The following PRKCE variants were observed in gnomAD, a reference collection of about 807,000 sequenced individuals.
PRKCE encodes protein kinase C epsilon, also known as protein kinase C epsilon type.
PRKCE carries 16 observed loss-of-function variants against 85.4 expected under a neutral mutation model. The ratio of observed to expected loss-of-function variants is 0.19; its 90% CI spans 0.13 to 0.28. The LOEUF (loss-of-function observed/expected upper bound fraction) is 0.28, where lower values mean the gene tolerates loss of function less well. PRKCE is among the 10% of genes least tolerant of loss of function. The pLI is 1.00. For synonymous variants in PRKCE, 388 were observed against 371.5 expected (o/e 1.04, Z -0.51); for missense variants, 573 against 975.2 (o/e 0.59, Z 5.49).
chr2:45,665,591 C>A (rs1394992825), intron 1 of PRKCE, among the ~76,000 whole-genome samples: 1 of 152,196 alleles, frequency 6.6e-6, no homozygotes, highest in African/African-American at 2.4e-5. Context: ...GTCTTCTTTG[C>A]TTCTTCATGA....
At chr2:45,682,311 C>T (rs564313965) in intron 1 of PRKCE, among the ~76,000 whole-genome samples, 19 of 152,188 alleles carry the variant, frequency 1.2e-4, no homozygotes, top group Admixed American at 7.2e-4. Flanking sequence ...TGATGAGCAC[C>T]GATTTTACAG....
intron 2 of PRKCE, among the ~76,000 whole-genome samples, chr2:45,944,465 T>G (rs1224208222): frequency 6.6e-6 from 1 of 152,174 alleles, no homozygotes; most frequent in South Asian, 2.1e-4. Context: ...TTTTACTTTA[T>G]GTAAATTCGT....
chr2:46,015,691 CAAAA>C (rs749060776), intron 10 of PRKCE, among the ~76,000 whole-genome samples: 8 of 80,796 alleles, frequency 9.9e-5, no homozygotes, highest in African/African-American at 2.3e-4. Flanking sequence ...AACACTAAAC[CAAAA>C]AAAAAAAAAA....
chr2:45,904,358 G>T (rs1267031849), intron 2 of PRKCE, among the ~76,000 whole-genome samples: 1 of 152,072 alleles, frequency 6.6e-6, no homozygotes, highest in African/African-American at 2.4e-5. Flanking sequence ...TATGGGGGTG[G>T]CACGTGCCCA....
chr2:45,719,951 A>G (rs1482798981), intron 1 of PRKCE, among the ~76,000 whole-genome samples: 1 of 152,102 alleles, frequency 6.6e-6, no homozygotes, highest in Admixed American at 6.5e-5. Flanking sequence ...GACAACAACA[A>G]CAAAATAACA....
chr2:46,051,777 A>C (rs891156027), intron 10 of PRKCE, among the ~76,000 whole-genome samples: 3 of 152,212 alleles, frequency 2.0e-5, no homozygotes, highest in African/African-American at 7.2e-5. Flanking sequence ...GAGACTGGGT[A>C]ATTTATAAAG....
intron 11 of PRKCE, among the ~76,000 whole-genome samples, chr2:46,124,523 C>T (rs540748092): frequency 2.4e-4 from 36 of 152,190 alleles, no homozygotes; most frequent in Non-Finnish European, 3.8e-4. Context: ...TGTGAAACCT[C>T]GTTTCATGAG....
At chr2:46,115,966 G>A (rs1203472676) in intron 11 of PRKCE, among the ~76,000 whole-genome samples, 2 of 152,208 alleles carry the variant, frequency 1.3e-5, no homozygotes, top group African/African-American at 4.8e-5. Context: ...TAAAGTTACA[G>A]AGGAAAGGAC....
chr2:45,734,166 A>T (rs1459681490), intron 1 of PRKCE, among the ~76,000 whole-genome samples: 1 of 152,144 alleles, frequency 6.6e-6, no homozygotes, highest in Non-Finnish European at 1.5e-5. Context: ...ATAGATTGAG[A>T]CCATCCTGGC....
In PRKCE at chr2:45,786,340, G is replaced by C. The variant is rs1027760714; in HGVS notation, c.349-56660G>C. Among the ~76,000 whole-genome samples the C allele has an allele frequency of 6.6e-6, 1 of 152,164 alleles. No homozygotes were observed. The highest frequency in any genetic ancestry group is 1.5e-5 in the Non-Finnish European group (1 of 68,042). On this transcript the variant is annotated intron_variant, in intron 1 of 14. Transcript: ENST00000306156. This position sits in a 1 kb window ranked among gnomAD's most constrained non-coding sequence, Gnocchi z 5.3. Reference sequence around the variant, plus strand: ...GAGTTACAATGAAGAGACAGTTCAAGTGACAGTTGCTGTTTAACCGCCTCA... The same window carrying C: ...GAGTTACAATGAAGAGACAGTTCAACTGACAGTTGCTGTTTAACCGCCTCA...
intron 1 of PRKCE, among the ~76,000 whole-genome samples, chr2:45,733,717 G>A (rs1266781037): frequency 1.3e-5 from 2 of 152,178 alleles, no homozygotes; most frequent in South Asian, 2.1e-4. Context: ...TTCTTTCTAC[G>A]CAGCTAAGAG....
chr2:46,048,374 A>G (rs1276471274), intron 10 of PRKCE, among the ~76,000 whole-genome samples: 2 of 152,164 alleles, frequency 1.3e-5, no homozygotes, highest in Non-Finnish European at 2.9e-5. Context: ...GAAATGTCCT[A>G]TCTTCATGTT....
At chr2:46,045,571 A>G (rs917177021) in intron 10 of PRKCE, among the ~76,000 whole-genome samples, 6 of 152,174 alleles carry the variant, frequency 3.9e-5, no homozygotes. Context: ...AGGGATATCC[A>G]CTGTGCTATG....
At chr2:45,700,172 C>T (rs1412229210) in intron 1 of PRKCE, among the ~76,000 whole-genome samples, 1 of 145,666 alleles carries the variant, frequency 6.9e-6, no homozygotes, top group Non-Finnish European at 1.5e-5. Context: ...TGAGGCCCTG[C>T]CGGGAGCCAG....
At chr2:45,869,229 A>C (rs1212487007) in intron 2 of PRKCE, among the ~76,000 whole-genome samples, 5 of 152,232 alleles carry the variant, frequency 3.3e-5, no homozygotes, top group African/African-American at 1.2e-4. Context: ...ATGACTGAAG[A>C]TTCATGAATA....
At chr2:45,982,143 C>T (rs1162514361) in intron 5 of PRKCE, among the ~76,000 whole-genome samples, 1 of 152,222 alleles carries the variant, frequency 6.6e-6, no homozygotes, top group African/African-American at 2.4e-5. Flanking sequence ...CCAGTCCTGG[C>T]TCTCCCCGCC....
At chr2:45,805,556 A>G (rs1214508900) in intron 1 of PRKCE, among the ~76,000 whole-genome samples, 1 of 151,234 alleles carries the variant, frequency 6.6e-6, no homozygotes, top group East Asian at 1.9e-4. Flanking sequence ...AAGTTCACTT[A>G]TTGAAGCTTA....
At chr2:45,794,688 C>T (rs1313273232) in intron 1 of PRKCE, among the ~76,000 whole-genome samples, 3 of 152,152 alleles carry the variant, frequency 2.0e-5, no homozygotes, top group Non-Finnish European at 4.4e-5. Flanking sequence ...TCCTTCTGAA[C>T]ATCTCTGACT....
chr2:46,117,605 C>T (rs973614810), intron 11 of PRKCE, among the ~76,000 whole-genome samples: 1 of 152,174 alleles, frequency 6.6e-6, no homozygotes, highest in Admixed American at 6.5e-5. Flanking sequence ...GGGATGGGAT[C>T]CTCCCTTCAC....
Sources: allele counts gnomAD v4.1 joint callset (sites outside exome capture counted in the v4.1 genomes callset), GRCh38; gene constraint gnomAD v4.1.1; non-coding constraint Gnocchi (gnomAD v3.1); transcripts MANE v1.5; gene names NCBI Gene and HGNC (gene_info 2026-07-23, HGNC 2026-07-21).